The following NHSL2 variants were observed in gnomAD, a reference collection of about 807,000 sequenced individuals.
NHSL2 encodes NHS like 2, also known as NHS-like protein 2.
Under a neutral mutation model 53.4 loss-of-function variants are expected in NHSL2, and 27 were observed. That is an observed-to-expected ratio of 0.51 (90% confidence interval 0.37 to 0.70). The LOEUF is 0.70. NHSL2 is among the 30% of genes least tolerant of loss of function. NHSL2 has a pLI of 0.00. For synonymous variants in NHSL2, 408 were observed against 404.1 expected (o/e 1.01, Z -0.12); for missense variants, 892 against 980.1 (o/e 0.91, Z 1.20).
chrX:71,930,392 A>G (rs1172810377), intron 1 of NHSL2, among the ~76,000 whole-genome samples: 1 of 112,602 alleles, frequency 8.9e-6, no homozygotes, highest in Admixed American at 9.4e-5. Context: ...AGCTTTATTG[A>G]AAATAATTCA....
chrX:72,069,171 T>C, intron 1 of NHSL2, among the ~76,000 whole-genome samples: 1 of 111,257 alleles, frequency 9.0e-6, no homozygotes, highest in Middle Eastern at 4.6e-3. Flanking sequence ...AGTGAGCGAG[T>C]GAGCGAGTGA....
At chrX:72,099,720 G>T (rs2041975873) in intron 1 of NHSL2, among the ~76,000 whole-genome samples, 1 of 111,849 alleles carries the variant, frequency 8.9e-6, no homozygotes, top group Non-Finnish European at 1.9e-5. Flanking sequence ...AGAAAAAGGT[G>T]AAATTAATTT....
intron 1 of NHSL2, 70 bp downstream of exon 1, chrX:71,911,437 A>G: frequency 1.1e-6 from 1 of 921,372 alleles, no homozygotes; most frequent in South Asian, 3.4e-5. Flanking sequence ...GTCGGCGCTT[A>G]GCGCTGTGCC....
chrX:72,025,689 A>G (rs1187915273), intron 1 of NHSL2, among the ~76,000 whole-genome samples: 2 of 112,153 alleles, frequency 1.8e-5, no homozygotes, highest in Middle Eastern at 4.6e-3. Context: ...GTGGAAACTA[A>G]GTGACACCAT....
At chrX:71,961,238 C>A (rs1163589217) in intron 1 of NHSL2, among the ~76,000 whole-genome samples, 2 of 110,164 alleles carry the variant, frequency 1.8e-5, no homozygotes, top group Non-Finnish European at 3.8e-5. Context: ...TTGTACCCTG[C>A]AACTTTGCTG....
chrX:72,145,246 C>A lies in NHSL2; in HGVS notation c.*1672C>A, dbSNP rs2042455290. The A allele has an allele frequency of 9.0e-6, 1 of 111,671 alleles. No homozygotes were observed. The highest frequency in any genetic ancestry group is 1.9e-5 in the Non-Finnish European group (1 of 53,220). The allele number at this position is 111,671 out of a possible 1,213,427, so 9.2% of individuals were successfully genotyped here. ...GGTCGTATTGCCCAATGAGAAGCCACCTTTTAGCTCAACTGCCCACACTCC... is the reference window on the plus strand; with the variant it reads ...GGTCGTATTGCCCAATGAGAAGCCAACTTTTAGCTCAACTGCCCACACTCC... On this transcript the variant is annotated 3_prime_UTR_variant, in exon 8 of 8. Transcript: ENST00000633930.
At chrX:72,061,787 G>A (rs1348839644) in intron 1 of NHSL2, among the ~76,000 whole-genome samples, 1 of 111,940 alleles carries the variant, frequency 8.9e-6, no homozygotes, top group East Asian at 2.8e-4. Context: ...TCACTTCGTG[G>A]CCTCATGGCC....
intron 1 of NHSL2, among the ~76,000 whole-genome samples, chrX:71,944,485 G>C (rs1569465111): frequency 8.9e-6 from 1 of 112,124 alleles, no homozygotes; most frequent in East Asian, 2.8e-4. Context: ...AACTGCACCT[G>C]AATTTCCCTG....
chrX:72,139,079 G>T lies in NHSL2; in HGVS notation c.1531G>T (p.Asp511Tyr), dbSNP rs1476688572. Reference sequence around the variant, plus strand: ...CACAGACTCAGGCACCACAGATGTGGACTATGATGAGGAGCAGAAGGCCAA... The same window carrying T: ...CACAGACTCAGGCACCACAGATGTGTACTATGATGAGGAGCAGAAGGCCAA... ...VPTDSGTTDVDYDEEQKANEA... is the reference protein window; with the variant it reads ...VPTDSGTTDVYYDEEQKANEA... The change falls in exon 6 of 8, where the codon GAC (aspartate) becomes TAC (tyrosine). Residue 511 changes from aspartate to tyrosine, a missense_variant. By Grantham distance (160) the Asp-to-Tyr change is radical. Transcript: ENST00000633930. The T allele has an allele frequency of 4.3e-6, 5 of 1,168,551 alleles. No homozygotes were observed. Among genetic ancestry groups the T allele is most frequent in the Admixed American group, 2.6e-5 (1 of 38,915 alleles).
intron 1 of NHSL2, among the ~76,000 whole-genome samples, chrX:72,105,770 T>C (rs2042033246): frequency 8.9e-6 from 1 of 112,081 alleles, no homozygotes; most frequent in African/African-American, 3.3e-5. Context: ...AAGGTTGGGC[T>C]TCATTTTTAA....
intron 1 of NHSL2, among the ~76,000 whole-genome samples, chrX:72,012,710 G>T (rs1190810943): frequency 2.7e-5 from 3 of 112,548 alleles, no homozygotes; most frequent in Admixed American, 9.4e-5. Flanking sequence ...GTATCTTTTG[G>T]GAGGGCACCA....
intron 1 of NHSL2, among the ~76,000 whole-genome samples, chrX:72,046,835 G>C (rs1352592532): frequency 9.0e-6 from 1 of 110,889 alleles, no homozygotes; most frequent in Non-Finnish European, 1.9e-5. Flanking sequence ...TTGCCGCTGT[G>C]CTGCACTGGG....
At chrX:72,048,221 C>T (rs2042316666) in intron 1 of NHSL2, among the ~76,000 whole-genome samples, 1 of 110,793 alleles carries the variant, frequency 9.0e-6, no homozygotes, top group Non-Finnish European at 1.9e-5. Flanking sequence ...TATTTTCTCC[C>T]CCTAATAAAG....
At chrX:72,069,637 G>A (rs1433131806) in intron 1 of NHSL2, 2 of 914,824 alleles carry the variant, frequency 2.2e-6, no homozygotes, top group South Asian at 6.1e-5. Flanking sequence ...AGAAAGAGGA[G>A]GAGGAGGAGG....
intron 1 of NHSL2, among the ~76,000 whole-genome samples, chrX:72,067,855 G>C (rs2042440576): frequency 8.9e-6 from 1 of 112,100 alleles, no homozygotes; most frequent in African/African-American, 3.2e-5. Flanking sequence ...GAAGTCAGTA[G>C]CTTGAGAGAT....
intron 1 of NHSL2, among the ~76,000 whole-genome samples, chrX:72,086,659 G>C (rs1342512925): frequency 2.2e-5 from 2 of 92,155 alleles, no homozygotes; most frequent in Non-Finnish European, 4.2e-5. Context: ...ACTCCAGCCT[G>C]GGAGACAGAG....
chrX:72,139,053 C>A lies in NHSL2; in HGVS notation c.1505C>A (p.Pro502His). 8.5e-7 allele frequency: 1 copy of A among 1,171,080 alleles called. No homozygotes were observed. Among genetic ancestry groups the A allele is most frequent in the Admixed American group, 2.5e-5 (1 of 39,323 alleles). ...SRFRERSLSV[P>H]TDSGTTDVDY... is the part of the protein sequence containing the mutation. ...TTCCGGGAGCGGTCACTGTCTGTGC[C>A]CACAGACTCAGGCACCACAGATGTG... Residue 502 changes from proline to histidine, a missense_variant, in exon 6 of 8, where the codon CCC becomes CAC. Coordinates refer to ENST00000633930, the MANE Select transcript of NHSL2 (RefSeq NM_001013627.3).
chrX:72,037,428 A>G (rs1249526386), intron 1 of NHSL2, among the ~76,000 whole-genome samples: 2 of 110,817 alleles, frequency 1.8e-5, no homozygotes, highest in Non-Finnish European at 3.8e-5. Flanking sequence ...GTCTCAAAAA[A>G]AAAAGAAAAA....
chrX:72,018,093 C>T (rs1048403306), intron 1 of NHSL2, among the ~76,000 whole-genome samples: 11 of 111,951 alleles, frequency 9.8e-5, no homozygotes, highest in Non-Finnish European at 2.1e-4. Flanking sequence ...TTCTTAAATG[C>T]CATTTATAGC....
Sources: gnomAD v4.1 joint callset for allele counts (sites outside exome capture counted in the v4.1 genomes callset) on GRCh38, gnomAD v4.1.1 for gene constraint, MANE v1.5 for transcripts, NCBI Gene and HGNC (gene_info 2026-07-23, HGNC 2026-07-21) for gene names.